TPO: variants seen among roughly 807,000 people sequenced by gnomAD.
The protein encoded by TPO is thyroid microsomal antigen.
In TPO, 78 loss-of-function variants were observed where a neutral mutation model predicts 96.9. The observed-to-expected ratio is 0.81, with a 90% CI of 0.67 to 0.97. The LOEUF (loss-of-function observed/expected upper bound fraction) is 0.97. Ranked by LOEUF, TPO falls within the 50% of genes least tolerant of loss-of-function variation. TPO has a pLI of 0.00. For synonymous variants in TPO, 547 were observed against 538.0 expected, an observed-to-expected ratio of 1.02 and a Z score of -0.23; for missense variants, 1,252 against 1,274.8, an observed-to-expected ratio of 0.98 and a Z score of 0.27.
rs1451202728 is a variant in TPO, at chr2:1,512,174, C to T, written c.2519-4709C>T. Among the ~76,000 whole-genome samples the T allele has an allele frequency of 5.3e-5, 8 of 152,288 alleles. No individual in the cohort carries two copies. In the East Asian group the frequency reaches 1.4e-3, roughly 26 times the overall value. On this transcript the variant is annotated intron_variant, in intron 14 of 16. Coordinates refer to ENST00000329066, the MANE Select transcript of TPO (RefSeq NM_001206744.2). Reference sequence around the variant, plus strand: ...TCAGCCTCCCGAGTAGCTGGGACTACAGGCGCCCGCCACCACGCCCGGCTA... The same window carrying T: ...TCAGCCTCCCGAGTAGCTGGGACTATAGGCGCCCGCCACCACGCCCGGCTA...
At position 1,423,028 on chromosome 2, in the gene TPO, G is replaced by A. The variant is rs182006274; in HGVS notation, c.95-17G>A. ...AACTGTCATTGCGCTTTGACTGTGT[G>A]ACATTCTGTTCCGTAGGAAAGCCTG... On this transcript the variant is annotated splice_polypyrimidine_tract_variant and intron_variant, in intron 2 of 16. Coordinates refer to ENST00000329066, the MANE Select transcript of TPO (RefSeq NM_001206744.2). 413 of 1,613,578 alleles carry A rather than the reference G, an allele frequency of 2.6e-4. 2 individuals are homozygous for A. The highest frequency in any genetic ancestry group is 8.5e-6 in the Non-Finnish European group (10 of 1,179,522).
chr2:1,510,322 A>G (rs1673970874), intron 14 of TPO, among the ~76,000 whole-genome samples: 1 of 152,216 alleles, frequency 6.6e-6, no homozygotes, highest in Admixed American at 6.5e-5. Flanking sequence ...AGGTGAAGGC[A>G]GTGGGGCATT....
At chr2:1,415,298 C>T (rs574556788) in intron 2 of TPO, among the ~76,000 whole-genome samples, 5 of 136,746 alleles carry the variant, frequency 3.7e-5, no homozygotes, top group South Asian at 2.5e-4. Context: ...GGTGACACCT[C>T]ACTGGGCAGG....
Position 1,536,648 on chromosome 2 carries a change from C to CT in TPO, c.2619-3946_2619-3945insT, listed in dbSNP as rs1489854251. On this transcript the variant is annotated intron_variant, in intron 15 of 16. Transcript: ENST00000329066. ...TTGTGAAACCTCCCCAAATCCCCCC[C>CT]CCCACTGTGTGCAACCTCCCCAGAT... is the stretch of plus-strand genomic sequence containing the variant. Among the ~76,000 whole-genome samples the CT allele has an allele frequency of 2.0e-4, 9 of 44,560 alleles. No homozygotes were observed. In the Admixed American group the frequency reaches 2.3e-3, roughly 12 times the overall value. 29.2% of individuals were successfully genotyped at this position (44,560 alleles called of 152,430 possible). A position where few individuals can be genotyped will look rare whatever the true frequency, so the allele number is the denominator to read the frequency against.
chr2:1,476,057 C>T (rs1330332290), intron 7 of TPO, among the ~76,000 whole-genome samples: 4 of 152,242 alleles, frequency 2.6e-5, no homozygotes, highest in African/African-American at 9.6e-5. Context: ...GCTCGCTGGC[C>T]GCATTTCCCT....
rs554392744 is a variant in TPO, at chr2:1,542,226, C to T, written c.2749-195C>T. 105 of 725,814 alleles carry T rather than the reference C, an allele frequency of 1.4e-4. No homozygotes were observed. In the South Asian group the frequency reaches 1.8e-3, roughly 12 times the overall value. The allele number at this position is 725,814 out of a possible 1,614,324, so 45.0% of individuals were successfully genotyped here. On this transcript the variant is annotated intron_variant, in intron 16 of 16. Coordinates refer to ENST00000329066, the MANE Select transcript of TPO (RefSeq NM_001206744.2). ...CTTTGCCACGTGGATCCTCTGTGGC[C>T]TCCTGCAAACAAGCATTTGTCCGGA...
intron 7 of TPO, among the ~76,000 whole-genome samples, chr2:1,474,820 T>G (rs552048279): frequency 7.2e-5 from 11 of 152,364 alleles, no homozygotes; most frequent in Admixed American, 5.9e-4. Flanking sequence ...TTTCTTTGTT[T>G]TCCACACTGG....
At chr2:1,426,505 A>T (rs1664414901) in intron 3 of TPO, among the ~76,000 whole-genome samples, 1 of 152,166 alleles carries the variant, frequency 6.6e-6, no homozygotes, top group Admixed American at 6.5e-5. Flanking sequence ...TATCCTCAAA[A>T]GTCCATGCTC....
At chr2:1,442,107 T>C (rs1666253226) in intron 5 of TPO, among the ~76,000 whole-genome samples, 1 of 152,208 alleles carries the variant, frequency 6.6e-6, no homozygotes, top group African/African-American at 2.4e-5. Flanking sequence ...TGCTCCTCCT[T>C]GCCTTCCACC....
chr2:1,515,842 G>C (rs1558391607), intron 14 of TPO, among the ~76,000 whole-genome samples: 1 of 152,052 alleles, frequency 6.6e-6, no homozygotes, highest in African/African-American at 2.4e-5. Context: ...CTTAGCCCCA[G>C]AGCCTATCTT....
At chr2:1,376,585 G>C (rs1284880169) in intron 1 of TPO, among the ~76,000 whole-genome samples, 2 of 152,096 alleles carry the variant, frequency 1.3e-5, no homozygotes, top group Non-Finnish European at 2.9e-5. Flanking sequence ...CCAGGGCAGT[G>C]CTGATAGTGG....
At chr2:1,437,192 C>T (rs1363652028) in intron 5 of TPO, among the ~76,000 whole-genome samples, 3 of 152,154 alleles carry the variant, frequency 2.0e-5, no homozygotes, top group South Asian at 2.1e-4. Flanking sequence ...GAGCAAGATG[C>T]GTTTGGGCTG....
intron 3 of TPO, among the ~76,000 whole-genome samples, chr2:1,423,937 T>C (rs1323258587): frequency 6.6e-6 from 1 of 152,206 alleles, no homozygotes; most frequent in East Asian, 1.9e-4. Context: ...GGGGAAGACA[T>C]GGCAGTGGGG....
intron 15 of TPO, among the ~76,000 whole-genome samples, chr2:1,531,099 T>C (rs1459483026): frequency 4.1e-4 from 10 of 24,428 alleles, no homozygotes; most frequent in Admixed American, 1.3e-3. Flanking sequence ...GTGTGCAACC[T>C]CCCCAAATCC....
chr2:1,421,067 T>A (rs1174303628), intron 2 of TPO, among the ~76,000 whole-genome samples: 1 of 151,416 alleles, frequency 6.6e-6, no homozygotes, highest in African/African-American at 2.4e-5. Context: ...AGGGCAAAGA[T>A]CAGAGGAGCC....
intron 2 of TPO, among the ~76,000 whole-genome samples, chr2:1,422,350 C>A (rs938369011): frequency 6.4e-4 from 84 of 131,728 alleles, no homozygotes; most frequent in African/African-American, 2.2e-3. Flanking sequence ...GGACCGACCT[C>A]GTGCAGGCGC....
At chr2:1,450,882 A>G (rs1157453070) in intron 5 of TPO, among the ~76,000 whole-genome samples, 1 of 152,258 alleles carries the variant, frequency 6.6e-6, no homozygotes, top group Non-Finnish European at 1.5e-5. Flanking sequence ...ACTTTATTAA[A>G]GCAATCTTTC....
chr2:1,450,815 A>G (rs1162130120), intron 5 of TPO, among the ~76,000 whole-genome samples: 2 of 152,220 alleles, frequency 1.3e-5, no homozygotes, highest in Non-Finnish European at 2.9e-5. Context: ...ACACCTCCCT[A>G]TGAGCCATAC....
At chr2:1,442,014 C>G (rs1666243018) in intron 5 of TPO, among the ~76,000 whole-genome samples, 1 of 152,112 alleles carries the variant, frequency 6.6e-6, no homozygotes, top group Admixed American at 6.5e-5. Context: ...GAATAAGTCT[C>G]ACGAGATTTG....
Sources: allele counts gnomAD v4.1 joint callset (sites outside exome capture counted in the v4.1 genomes callset), GRCh38; gene constraint gnomAD v4.1.1; transcripts MANE v1.5; gene names NCBI Gene and HGNC (gene_info 2026-07-23, HGNC 2026-07-21).